The following CCDC170 variants were observed in gnomAD, a reference collection of about 807,000 sequenced individuals.
CCDC170 encodes the protein coiled-coil domain-containing protein 170.
A neutral mutation model predicts 72.6 loss-of-function variants in CCDC170; 69 were observed. That is an observed-to-expected ratio of 0.95 (90% confidence interval 0.78 to 1.16). The LOEUF (loss-of-function observed/expected upper bound fraction) is 1.16, where lower values mean the gene tolerates loss of function less well. Among genes scored for constraint, CCDC170 ranks in the 50% most tolerant of loss-of-function variants. CCDC170 has a pLI of 0.00. For synonymous variants in CCDC170, 300 were observed against 303.9 expected, an observed-to-expected ratio of 0.99 and a Z score of 0.13; for missense variants, 852 against 832.5, an observed-to-expected ratio of 1.02 and a Z score of -0.29.
At chr6:151,533,253 A>T (rs1349596002) in intron 1 of CCDC170, among the ~76,000 whole-genome samples, 2 of 150,724 alleles carry the variant, frequency 1.3e-5, no homozygotes, top group Non-Finnish European at 3.0e-5. Flanking sequence ...ACGGGGTTTC[A>T]CCATGTTAGC....
At chr6:151,616,451 T>A (rs1776970118) in intron 10 of CCDC170, among the ~76,000 whole-genome samples, 1 of 152,120 alleles carries the variant, frequency 6.6e-6, no homozygotes, top group Non-Finnish European at 1.5e-5. Context: ...TAGAGTGGAC[T>A]CTGATCCTAG....
chr6:151,618,137 T>A lies in CCDC170; in HGVS notation c.2138T>A (p.Leu713His). 6.2e-7 allele frequency: 1 copy of A among 1,613,926 alleles called. No homozygotes were observed. Among genetic ancestry groups the A allele is most frequent in the Non-Finnish European group, 8.5e-7 (1 of 1,179,906 alleles). Residue 713 changes from leucine (L) to histidine (H), a missense_variant, in exon 11 of 11, where the codon CTT becomes CAT. By Grantham distance (99) the Leu-to-His change is moderately conservative. Coordinates refer to ENST00000239374, the MANE Select transcript of CCDC170 (RefSeq NM_025059.4). The stretch of plus-strand genomic sequence containing the variant: ...AGGCACCCACAAGGCCATTTACAGC[T>A]TCTTCATTGAACACTGTATCTCTTG... ...QERHPQGHLQ[L>H]LH
Position 151,600,099 on chromosome 6 carries a change from C to T in CCDC170, c.1710+3522C>T, listed in dbSNP as rs539900657. 2.0e-5 allele frequency among the ~76,000 whole-genome samples: 3 copies of T among 152,262 alleles called. No homozygotes were observed. In the East Asian group the frequency reaches 5.8e-4, roughly 29 times the overall value. On this transcript the variant is annotated intron_variant, in intron 9 of 10. Transcript: ENST00000239374. Reference sequence around the variant, plus strand: ...CAGTGTAGAACAGAGATCTCTCTAACTTGTTAACACAGTAAGTGTCAACTT... The same window carrying T: ...CAGTGTAGAACAGAGATCTCTCTAATTTGTTAACACAGTAAGTGTCAACTT...
At chr6:151,557,983 C>G (rs1283058084) in intron 5 of CCDC170, among the ~76,000 whole-genome samples, 2 of 150,072 alleles carry the variant, frequency 1.3e-5, no homozygotes, top group Non-Finnish European at 3.0e-5. Flanking sequence ...ACTTGTAATC[C>G]CAGCTACTCG....
chr6:151,599,066 A>G (rs1254255189), intron 9 of CCDC170, among the ~76,000 whole-genome samples: 2 of 152,232 alleles, frequency 1.3e-5, no homozygotes, highest in Non-Finnish European at 2.9e-5. Flanking sequence ...GTGGTAAGAC[A>G]GCTAATAGTT....
At chr6:151,541,553 G>A (rs1484345311) in intron 3 of CCDC170, among the ~76,000 whole-genome samples, 1 of 151,842 alleles carries the variant, frequency 6.6e-6, no homozygotes, top group Admixed American at 6.6e-5. Context: ...TGTATCTTTA[G>A]CACCTTTAAT....
intron 8 of CCDC170, among the ~76,000 whole-genome samples, chr6:151,594,257 C>G (rs746474372): frequency 2.6e-4 from 40 of 152,246 alleles, no homozygotes; most frequent in African/African-American, 9.2e-4. Context: ...GCTCCCAATT[C>G]GGTTCCATCA....
intron 1 of CCDC170, among the ~76,000 whole-genome samples, chr6:151,535,217 A>C (rs1782556689): frequency 6.6e-6 from 1 of 152,196 alleles, no homozygotes; most frequent in Non-Finnish European, 1.5e-5. Context: ...AAAAGTCTGG[A>C]TATATGACTT....
At chr6:151,534,066 TC>T (rs1286320855) in intron 1 of CCDC170, among the ~76,000 whole-genome samples, 1 of 127,066 alleles carries the variant, frequency 7.9e-6, no homozygotes, top group Non-Finnish European at 1.8e-5. Flanking sequence ...ATTCATTCAT[TC>T]CTTTTTTTTT....
rs958284 is a variant in CCDC170 at position 151,565,954 on chromosome 6, C to T, written c.775-7220C>T. On this transcript the variant is annotated intron_variant, in intron 5 of 10. Coordinates refer to ENST00000239374, the MANE Select transcript of CCDC170 (RefSeq NM_025059.4). ...TTTTGCCGTGTCCCTTTTACAATTTCCAGATGGGAACTGTCGGTGGTTGTC... is the reference window on the plus strand; with the variant it reads ...TTTTGCCGTGTCCCTTTTACAATTTTCAGATGGGAACTGTCGGTGGTTGTC... 8.8e-3 allele frequency among the ~76,000 whole-genome samples: 1,345 copies of T among 152,206 alleles called. 23 individuals are homozygous for T. Among genetic ancestry groups the T allele is most frequent in the African/African-American group, 0.03 (1,264 of 41,528 alleles).
chr6:151,496,999 T>C (rs1781920612), intron 1 of CCDC170, among the ~76,000 whole-genome samples: 1 of 152,252 alleles, frequency 6.6e-6, no homozygotes. Flanking sequence ...CACCTACTCC[T>C]ACCATCATCA....
intron 1 of CCDC170, among the ~76,000 whole-genome samples, chr6:151,518,832 T>A (rs1398242865): frequency 6.6e-6 from 1 of 151,886 alleles, no homozygotes; most frequent in Non-Finnish European, 1.5e-5. Flanking sequence ...ATTAAGGACT[T>A]TAAAAGGGGA....
chr6:151,519,461 C>T (rs1782286740), intron 1 of CCDC170, among the ~76,000 whole-genome samples: 1 of 152,130 alleles, frequency 6.6e-6, no homozygotes, highest in African/African-American at 2.4e-5. Context: ...ATTGTTCAAA[C>T]ACATATGTTT....
At position 151,592,931 on chromosome 6, in the gene CCDC170, C is replaced by A. The variant is rs192351732; in HGVS notation, c.1294-176C>A. ...ATTCAGACAAGGGGTAGGCAGGGAA[C>A]TGGCAGGGTGGTTCAGGAATTTATT... On this transcript the variant is annotated intron_variant, in intron 7 of 10. Transcript: ENST00000239374. The A allele has an allele frequency of 2.0e-4, 130 of 638,830 alleles. 1 individual carries two copies. In the African/African-American group the frequency reaches 2.0e-3, roughly 10 times the overall value. 39.6% of individuals were successfully genotyped at this position (638,830 alleles called of 1,614,324 possible).
chr6:151,545,979 T>C (rs1782765855), intron 4 of CCDC170, among the ~76,000 whole-genome samples: 3 of 151,942 alleles, frequency 2.0e-5, no homozygotes, highest in South Asian at 2.1e-4. Flanking sequence ...GGTCTCACTA[T>C]ATTGCCCGGG....
chr6:151,599,572 C>T (rs1562296045), intron 9 of CCDC170, among the ~76,000 whole-genome samples: 1 of 152,108 alleles, frequency 6.6e-6, no homozygotes. Flanking sequence ...TTATGTGTCA[C>T]ACTAAGATGT....
At chr6:151,602,085 AC>A (rs1382793369) in intron 9 of CCDC170, among the ~76,000 whole-genome samples, 2 of 152,180 alleles carry the variant, frequency 1.3e-5, no homozygotes, top group African/African-American at 4.8e-5. Flanking sequence ...CTGTTTCAAA[AC>A]CATGATTGAA....
intron 1 of CCDC170, among the ~76,000 whole-genome samples, chr6:151,532,354 C>A (rs1782501860): frequency 6.6e-6 from 1 of 152,116 alleles, no homozygotes; most frequent in Non-Finnish European, 1.5e-5. Context: ...TGCCTGTAAT[C>A]ACAGCACTTT....
Position 151,548,498 on chromosome 6 carries a change from T to C in CCDC170, c.774+9T>C, listed in dbSNP as rs1208378527. On this transcript the variant is annotated intron_variant, in intron 5 of 10. Coordinates refer to ENST00000239374, the MANE Select transcript of CCDC170 (RefSeq NM_025059.4). Reference sequence around the variant, plus strand: ...AAGAGAAGCTGAACCAGGTATGATATGTGAAGTATACGTGTGCATCTGGGA... The same window carrying C: ...AAGAGAAGCTGAACCAGGTATGATACGTGAAGTATACGTGTGCATCTGGGA... 1.9e-6 allele frequency: 3 copies of C among 1,564,224 alleles called. No homozygotes were observed. Among genetic ancestry groups the C allele is most frequent in the Middle Eastern group, 1.7e-4 (1 of 5,792 alleles).
Sources: allele counts gnomAD v4.1 joint callset (sites outside exome capture counted in the v4.1 genomes callset), GRCh38; gene constraint gnomAD v4.1.1; transcripts MANE v1.5; gene names NCBI Gene and HGNC (gene_info 2026-07-23, HGNC 2026-07-21).